The following NLGN1 variants were observed in gnomAD, a reference collection of about 807,000 sequenced individuals.
NLGN1 encodes neuroligin-1.
Under a neutral mutation model 65.5 loss-of-function variants are expected in NLGN1, and 12 were observed. The ratio of observed to expected loss-of-function variants is 0.18; its 90% CI spans 0.12 to 0.30. NLGN1 has a LOEUF of 0.30. Among genes scored for constraint, NLGN1 ranks in the 10% least tolerant of loss-of-function variants. NLGN1 has a pLI of 1.00. For synonymous variants in NLGN1, 350 were observed against 359.5 expected (o/e 0.97, Z 0.30); for missense variants, 750 against 1,007.1 (o/e 0.74, Z 3.46).
At chr3:174,292,057 T>C in the NLGN1 span, among the ~76,000 whole-genome samples, 6 of 151,278 alleles carry the variant, frequency 4.0e-5, no homozygotes, top group Non-Finnish European at 7.4e-5. Flanking sequence ...ATATGCTAAT[T>C]GTATCATCTC....
At chr3:173,574,011 C>T (rs1484848834) in intron 2 of NLGN1, among the ~76,000 whole-genome samples, 4 of 136,496 alleles carry the variant, frequency 2.9e-5, no homozygotes, top group Non-Finnish European at 6.1e-5. Flanking sequence ...TGCAGTGAGC[C>T]GAGATGGCAT....
At chr3:173,843,388 C>T (rs1378523936) in intron 4 of NLGN1, among the ~76,000 whole-genome samples, 1 of 152,226 alleles carries the variant, frequency 6.6e-6, no homozygotes, top group Non-Finnish European at 1.5e-5. Context: ...ATGAATTTCT[C>T]CTCAGAAAAT....
At chr3:173,758,549 A>G (rs529267556) in intron 3 of NLGN1, among the ~76,000 whole-genome samples, 2 of 152,160 alleles carry the variant, frequency 1.3e-5, no homozygotes, top group South Asian at 4.1e-4. Flanking sequence ...TATAGCTTAC[A>G]AGAGAAAATC....
intron 2 of NLGN1, among the ~76,000 whole-genome samples, chr3:173,534,161 C>A (rs115973498): frequency 0.024 from 3,604 of 152,278 alleles, 55 homozygotes; most frequent in Middle Eastern, 0.048. Flanking sequence ...TCTTCTGGCA[C>A]ATATTAATTC....
chr3:173,399,750 G>C (rs1465692301), intron 1 of NLGN1: 1 of 152,146 alleles, frequency 6.6e-6, no homozygotes, highest in Non-Finnish European at 1.5e-5. Flanking sequence ...CATTAAACTA[G>C]CTGTTTCTGG....
In NLGN1 at chr3:173,498,215, C is replaced by T. The variant is rs528643997; in HGVS notation, c.-321+63137C>T. On this transcript the variant is annotated intron_variant, in intron 2 of 6. Coordinates refer to ENST00000457714, the Ensembl canonical transcript of NLGN1. ...GCTATCCCTCCCCACTCCCCCCACC[C>T]CACAACAGTCCCCGGTGTGTGATGT... Among the ~76,000 whole-genome samples the T allele has an allele frequency of 1.2e-3, 179 of 151,728 alleles. 3 individuals are homozygous for T. Among genetic ancestry groups the T allele is most frequent in the African/African-American group, 4.1e-3 (167 of 41,084 alleles).
intron 4 of NLGN1, among the ~76,000 whole-genome samples, chr3:173,981,671 G>C (rs1718811656): frequency 6.6e-6 from 1 of 152,036 alleles, no homozygotes; most frequent in Non-Finnish European, 1.5e-5. Context: ...TTTGTATATA[G>C]AGAAATATCT....
chr3:173,856,859 G>A (rs573700656), intron 4 of NLGN1, among the ~76,000 whole-genome samples: 239 of 152,118 alleles, frequency 1.6e-3, no homozygotes, highest in African/African-American at 5.3e-3. Context: ...ATGAGACTCA[G>A]TACAGAATAA....
chr3:173,507,356 TA>T lies in NLGN1; in HGVS notation c.-321+72287del, dbSNP rs200217769. On this transcript the variant is annotated intron_variant, in intron 2 of 6. Transcript: ENST00000457714. ...GACAATCAAATCCATCCAATTAAAA[TA>T]AAAAAAAATGATAGCACAATTAGCT... Among the ~76,000 whole-genome samples, 125 of 151,332 alleles carry T rather than the reference TA, an allele frequency of 8.3e-4. 2 individuals carry two copies. The highest frequency in any genetic ancestry group is 1.0e-3 in the South Asian group (5 of 4,788).
intron 4 of NLGN1, among the ~76,000 whole-genome samples, chr3:173,861,748 T>A (rs886262655): frequency 6.6e-6 from 1 of 151,804 alleles, no homozygotes; most frequent in African/African-American, 2.4e-5. Flanking sequence ...GTTTCTAAAT[T>A]TTTCATTTTA....
chr3:174,265,749 T>G (rs907001540), intron 4 of NLGN1, among the ~76,000 whole-genome samples: 13 of 142,118 alleles, frequency 9.1e-5, no homozygotes, highest in Admixed American at 4.9e-4. Context: ...TTACTCTACC[T>G]AAAACTAAGA....
At chr3:173,501,655 A>T (rs984324474) in intron 2 of NLGN1, among the ~76,000 whole-genome samples, 8 of 149,974 alleles carry the variant, frequency 5.3e-5, no homozygotes, top group South Asian at 4.2e-4. Context: ...ATGTATAATT[A>T]TATATATTAG....
chr3:173,666,574 A>T (rs776434485), intron 3 of NLGN1, among the ~76,000 whole-genome samples: 1 of 152,182 alleles, frequency 6.6e-6, no homozygotes, highest in African/African-American at 2.4e-5. Context: ...GTCTCCTTAT[A>T]GAAATCTGAT....
intron 4 of NLGN1, among the ~76,000 whole-genome samples, chr3:173,830,311 G>T (rs138082780): frequency 6.8e-4 from 104 of 152,190 alleles, no homozygotes; most frequent in Non-Finnish European, 1.4e-3. Flanking sequence ...GCAGAGAGAG[G>T]AAAGAAGATT....
chr3:173,502,862 G>T (rs1310016331), intron 2 of NLGN1, among the ~76,000 whole-genome samples: 1 of 152,100 alleles, frequency 6.6e-6, no homozygotes, highest in African/African-American at 2.4e-5. Flanking sequence ...CAGGCCAGCT[G>T]CAGAAGGTAA....
intron 1 of NLGN1, among the ~76,000 whole-genome samples, chr3:173,408,023 G>C (rs1440256121): frequency 2.0e-5 from 3 of 152,140 alleles, no homozygotes; most frequent in Non-Finnish European, 2.9e-5. Flanking sequence ...AAATCAAGCT[G>C]AGATTATTTG....
At chr3:173,539,135 C>T (rs1737978955) in intron 2 of NLGN1, among the ~76,000 whole-genome samples, 1 of 151,932 alleles carries the variant, frequency 6.6e-6, no homozygotes, top group East Asian at 1.9e-4. Context: ...CCACAGAGGT[C>T]CTGTGGTGCT....
At chr3:174,048,595 C>T (rs941263412) in intron 4 of NLGN1, among the ~76,000 whole-genome samples, 6 of 151,734 alleles carry the variant, frequency 4.0e-5, no homozygotes, top group Admixed American at 2.0e-4. Flanking sequence ...AAAATTTATC[C>T]TGGGGGAAAT....
rs543772037 is a variant in NLGN1, at chr3:173,880,099, C to A, written c.646+72267C>A. ...AAATCCAAAAAGATTTTCTTCTTTGCAAAAGTAGATCAACCTTAAAAATAT... is the reference window on the plus strand; with the variant it reads ...AAATCCAAAAAGATTTTCTTCTTTGAAAAAGTAGATCAACCTTAAAAATAT... On this transcript the variant is annotated intron_variant, in intron 4 of 6. Transcript: ENST00000457714. 2.0e-5 allele frequency among the ~76,000 whole-genome samples: 3 copies of A among 152,070 alleles called. No homozygotes were observed. In the South Asian group the frequency reaches 6.2e-4, roughly 32 times the overall value.
Sources: gnomAD v4.1 joint callset for allele counts (sites outside exome capture counted in the v4.1 genomes callset) on GRCh38, gnomAD v4.1.1 for gene constraint, MANE v1.5 for transcripts, NCBI Gene and HGNC (gene_info 2026-07-23, HGNC 2026-07-21) for gene names.